Variants in INO80D observed in about 807,000 individuals in gnomAD.
INO80D encodes INO80 complex subunit D.
In INO80D, 21 loss-of-function variants were observed where a neutral mutation model predicts 87.6. That is an observed-to-expected ratio of 0.24 (90% CI 0.17 to 0.35). The LOEUF is 0.35. INO80D is among the 10% of genes least tolerant of loss of function. The pLI, the probability that INO80D is intolerant of heterozygous loss-of-function variation, is 1.00. For synonymous variants in INO80D, 440 were observed against 491.0 expected (o/e 0.90, Z 1.37); for missense variants, 982 against 1,280.7 (o/e 0.77, Z 3.56).
rs1284355087 is a variant in INO80D at position 206,085,713 on chromosome 2, C to A, written c.-124+188G>T. Reference sequence around the variant, plus strand: ...CGCGGGCGCCCCGGAGGCCCTCAGGCCCCCGGCCTCCACCACCCGGGCGCC... The same window carrying A: ...CGCGGGCGCCCCGGAGGCCCTCAGGACCCCGGCCTCCACCACCCGGGCGCC... On this transcript the variant is annotated intron_variant, in intron 1 of 10. Transcript: ENST00000403263. The surrounding 1 kb of genome is among the most constrained non-coding windows in gnomAD (Gnocchi z 4.5). The A allele has an allele frequency of 6.6e-6, 1 of 150,696 alleles. No individual in the cohort carries two copies. Among genetic ancestry groups the A allele is most frequent in the Non-Finnish European group, 1.5e-5 (1 of 67,700 alleles). The allele number at this position is 150,696 out of a possible 1,614,324, so 9.3% of individuals were successfully genotyped here.
chr2:206,026,714 T>C (rs1178819242), intron 6 of INO80D, among the ~76,000 whole-genome samples: 3 of 150,540 alleles, frequency 2.0e-5, no homozygotes, highest in Non-Finnish European at 4.4e-5. Context: ...GTTTAGAAAA[T>C]ATAACTTTGT....
At chr2:206,043,102 T>C (rs1163685812) in intron 5 of INO80D, among the ~76,000 whole-genome samples, 4 of 152,248 alleles carry the variant, frequency 2.6e-5, no homozygotes, top group African/African-American at 9.6e-5. Flanking sequence ...AATGAACTTA[T>C]TGAGGCATTT....
intron 1 of INO80D, among the ~76,000 whole-genome samples, chr2:206,073,888 T>C (rs995885936): frequency 1.3e-5 from 2 of 152,020 alleles, no homozygotes; most frequent in African/African-American, 4.8e-5. Context: ...GTTTTTGTTT[T>C]TAGAAAAGGG....
rs908789613 is a variant in INO80D, at chr2:206,048,716, A to G, written c.965-2104T>C. On this transcript the variant is annotated intron_variant, in intron 4 of 10. Transcript: ENST00000403263. ...AGAGACCAGCCTGGGTAACACACCA[A>G]GACCCCGACTCTACAACAAACTTAA... 5.9e-5 allele frequency among the ~76,000 whole-genome samples: 9 copies of G among 152,258 alleles called. No homozygotes were observed. The South Asian group carries it at 1.2e-3, about 21-fold the overall frequency.
chr2:206,007,581 G>C, intron 9 of INO80D, 140 bp from the exon 10 acceptor site: 1 of 942,530 alleles, frequency 1.1e-6, no homozygotes, highest in Non-Finnish European at 1.6e-6. Context: ...CAGCACTTTG[G>C]GAGGCCAAGG....
chr2:206,084,234 TATAC>T (rs1372408008), intron 1 of INO80D, among the ~76,000 whole-genome samples: 163 of 110,666 alleles, frequency 1.5e-3, no homozygotes, highest in African/African-American at 5.5e-3. Context: ...GTTTAAATGT[TATAC>T]ATACACACAC....
rs1314253273 is a variant in INO80D, at chr2:205,997,173, A to G, written c.*7195T>C. The G allele has an allele frequency of 6.6e-6, 1 of 152,100 alleles. No homozygotes were observed. The highest frequency in any genetic ancestry group is 1.5e-5 in the Non-Finnish European group (1 of 67,968). The allele number at this position is 152,100 out of a possible 1,614,324, so 9.4% of individuals were successfully genotyped here. A position where few individuals can be genotyped will look rare whatever the true frequency, so the allele number is the denominator to read the frequency against. On this transcript the variant is annotated 3_prime_UTR_variant, in exon 11 of 11. Coordinates refer to ENST00000403263, the MANE Select transcript of INO80D (RefSeq NM_017759.5). ...CCAACTCTACTTTTGACTATTTCAG[A>G]CCACCAGATACTCCAGTAATAAATG...
intron 4 of INO80D, among the ~76,000 whole-genome samples, chr2:206,053,260 G>A (rs1689423514): frequency 1.3e-5 from 2 of 152,070 alleles, no homozygotes; most frequent in Admixed American, 1.3e-4. Flanking sequence ...AAGGACATAA[G>A]CTGGATACAA....
intron 8 of INO80D, among the ~76,000 whole-genome samples, chr2:206,011,728 G>A (rs2105804992): frequency 6.6e-6 from 1 of 152,284 alleles, no homozygotes; most frequent in South Asian, 2.1e-4. Context: ...AACCATTAAT[G>A]TATTCAACAA....
At chr2:206,078,655 A>G (rs1690189038) in intron 1 of INO80D, among the ~76,000 whole-genome samples, 1 of 150,252 alleles carries the variant, frequency 6.7e-6, no homozygotes, top group South Asian at 2.1e-4. Context: ...CAACAAAAAA[A>G]GAAAAAGACA....
At chr2:206,084,981 A>T (rs1379893327) in intron 1 of INO80D, among the ~76,000 whole-genome samples, 1 of 152,064 alleles carries the variant, frequency 6.6e-6, no homozygotes, top group Non-Finnish European at 1.5e-5. Context: ...GGCTGGAGTT[A>T]GCAGCCCCGA....
intron 4 of INO80D, among the ~76,000 whole-genome samples, chr2:206,051,320 G>T (rs1165579495): frequency 1.3e-5 from 2 of 151,740 alleles, no homozygotes; most frequent in Non-Finnish European, 2.9e-5. Flanking sequence ...GGACTTAAGG[G>T]ATCCTTCCGC....
chr2:206,001,668 T>C lies in INO80D; in HGVS notation c.*2700A>G, dbSNP rs750159000. 1 of 152,216 alleles carries C rather than the reference T, an allele frequency of 6.6e-6. No individual in the cohort carries two copies. The highest frequency in any genetic ancestry group is 1.5e-5 in the Non-Finnish European group (1 of 68,046). 9.4% of individuals were successfully genotyped at this position (152,216 alleles called of 1,614,324 possible). A position where few individuals can be genotyped will look rare whatever the true frequency, so the allele number is the denominator to read the frequency against. ...AAAAACACAGATCTCTCTGGGCTTA[T>C]AGATGTTCTCCTCTCTTCCAAAAAG... On this transcript the variant is annotated 3_prime_UTR_variant, in exon 11 of 11. Coordinates refer to ENST00000403263, the MANE Select transcript of INO80D (RefSeq NM_017759.5).
chr2:206,025,570 A>ATATATATATATATAT (rs1559439755), intron 6 of INO80D: 8 of 91,868 alleles, frequency 8.7e-5, no homozygotes, highest in Non-Finnish European at 1.2e-4. Context: ...TATATATATA[A>ATATATATATATATAT]AATAACTAAA....
intron 6 of INO80D, among the ~76,000 whole-genome samples, chr2:206,020,699 A>T (rs1453522861): frequency 1.3e-5 from 2 of 152,102 alleles, no homozygotes; most frequent in African/African-American, 4.8e-5. Context: ...ATGGATCCAT[A>T]AAAAAATGAA....
chr2:206,015,548 G>C lies in INO80D; in HGVS notation c.1542+2132C>G, dbSNP rs144268696. On this transcript the variant is annotated intron_variant, in intron 8 of 10. Coordinates refer to ENST00000403263, the MANE Select transcript of INO80D (RefSeq NM_017759.5). Reference sequence around the variant, plus strand: ...CAGCCTGCAAGTGCACAGAAGTCAAGAATTGAGGCTTGGGAACCTCCGCCT... The same window carrying C: ...CAGCCTGCAAGTGCACAGAAGTCAACAATTGAGGCTTGGGAACCTCCGCCT... Among the ~76,000 whole-genome samples the C allele has an allele frequency of 4.6e-3, 700 of 152,306 alleles. 3 individuals carry two copies. The highest frequency in any genetic ancestry group is 8.5e-3 in the Non-Finnish European group (579 of 68,022).
intron 6 of INO80D, among the ~76,000 whole-genome samples, chr2:206,021,046 T>C (rs1282204303): frequency 6.6e-6 from 1 of 152,036 alleles, no homozygotes; most frequent in Non-Finnish European, 1.5e-5. Flanking sequence ...AAGACAATTC[T>C]TACAAGTACA....
intron 9 of INO80D, 135 bp from the exon 10 acceptor site, chr2:206,007,576 C>T (rs973830412): frequency 1.4e-5 from 14 of 973,230 alleles, no homozygotes; most frequent in Non-Finnish European, 2.0e-5. Flanking sequence ...AATCCCAGCA[C>T]TTTGGGAGGC....
chr2:206,023,509 C>T (rs747890001), intron 6 of INO80D, among the ~76,000 whole-genome samples: 1 of 151,692 alleles, frequency 6.6e-6, no homozygotes, highest in Non-Finnish European at 1.5e-5. Flanking sequence ...TAGTGAAACC[C>T]CGTCTCCACT....
Sources: allele counts gnomAD v4.1 joint callset (sites outside exome capture counted in the v4.1 genomes callset), GRCh38; gene constraint gnomAD v4.1.1; non-coding constraint Gnocchi (gnomAD v3.1); transcripts MANE v1.5; gene names NCBI Gene and HGNC (gene_info 2026-07-23, HGNC 2026-07-21).